Variants in CLIC4 observed in about 807,000 individuals in gnomAD.
CLIC4 encodes chloride intracellular channel protein 4.
CLIC4 carries 13 observed loss-of-function variants against 24.6 expected under a neutral mutation model. The ratio of observed to expected loss-of-function variants is 0.53; its 90% CI spans 0.34 to 0.84. The LOEUF (loss-of-function observed/expected upper bound fraction) is 0.84. CLIC4 is among the 40% of genes least tolerant of loss of function. The probability of loss-of-function intolerance (pLI) is 0.01; values close to 1 mark genes in which losing one functional copy is unlikely to be tolerated. For synonymous variants in CLIC4, 104 were observed against 111.3 expected (o/e 0.93, Z 0.41); for missense variants, 227 against 301.7 (o/e 0.75, Z 1.83).
At chr1:24,751,041 A>G (rs992923092) in intron 1 of CLIC4, among the ~76,000 whole-genome samples, 4 of 152,072 alleles carry the variant, frequency 2.6e-5, no homozygotes, top group Admixed American at 2.6e-4. Flanking sequence ...TTTGTTGTCA[A>G]TGTATGTCTC....
intron 3 of CLIC4, among the ~76,000 whole-genome samples, chr1:24,825,913 C>G (rs1236606775): frequency 6.6e-6 from 1 of 152,256 alleles, no homozygotes; most frequent in Middle Eastern, 3.4e-3. Flanking sequence ...TCTTATTGCT[C>G]CCAAGTCCAT....
rs550191815 is a variant in CLIC4, at chr1:24,807,565, A to T, written c.183-6529A>T. Among the ~76,000 whole-genome samples, 460 of 152,246 alleles carry T rather than the reference A, an allele frequency of 3.0e-3. 1 individual carries two copies. The highest frequency in any genetic ancestry group is 0.01 in the African/African-American group (430 of 41,532). ...CTGATTGGCTAATTTAAAGAGAGTC[A>T]CCGGGTGAGTGGTTTGGCCAGAAAA... On this transcript the variant is annotated intron_variant, in intron 2 of 5. Transcript: ENST00000374379.
chr1:24,790,520 C>T (rs1306932312), intron 1 of CLIC4, among the ~76,000 whole-genome samples: 1 of 152,234 alleles, frequency 6.6e-6, no homozygotes, highest in African/African-American at 2.4e-5. Context: ...TTGCCTTATA[C>T]ATCTCAGACT....
chr1:24,799,260 C>T (rs530328887), intron 2 of CLIC4, among the ~76,000 whole-genome samples: 1 of 151,176 alleles, frequency 6.6e-6, no homozygotes. Context: ...TCTGCCCGGC[C>T]GCCCATCGTC....
At chr1:24,806,197 C>T (rs1464000757) in intron 2 of CLIC4, among the ~76,000 whole-genome samples, 1 of 152,208 alleles carries the variant, frequency 6.6e-6, no homozygotes, top group Non-Finnish European at 1.5e-5. Flanking sequence ...TTATCTCAAA[C>T]TGCAATTCTT....
intron 3 of CLIC4, among the ~76,000 whole-genome samples, chr1:24,817,191 T>C (rs1639680207): frequency 6.6e-6 from 1 of 152,144 alleles, no homozygotes. Context: ...TCTAGATAGA[T>C]CATTGTTGAA....
At chr1:24,817,245 A>G (rs1007324342) in intron 3 of CLIC4, among the ~76,000 whole-genome samples, 9 of 151,806 alleles carry the variant, frequency 5.9e-5, no homozygotes, top group Non-Finnish European at 1.5e-5. Context: ...GAAGGTGATG[A>G]AGGAAGATCT....
At chr1:24,817,091 T>G (rs1315695878) in intron 3 of CLIC4, among the ~76,000 whole-genome samples, 2 of 152,226 alleles carry the variant, frequency 1.3e-5, no homozygotes, top group African/African-American at 4.8e-5. Context: ...ATGAAAATCA[T>G]AGATGACATC....
chr1:24,770,190 T>C (rs2124100565), intron 1 of CLIC4, among the ~76,000 whole-genome samples: 1 of 152,198 alleles, frequency 6.6e-6, no homozygotes, highest in Non-Finnish European at 1.5e-5. Flanking sequence ...AATTGAGAAA[T>C]GTCTAAATGG....
chr1:24,791,692 A>G (rs976538103), intron 1 of CLIC4, among the ~76,000 whole-genome samples: 1 of 152,166 alleles, frequency 6.6e-6, no homozygotes, highest in South Asian at 2.1e-4. Flanking sequence ...CCTGACCGAC[A>G]TGGTGAAACA....
rs1019990145 is a variant in CLIC4, at chr1:24,774,255, C to T, written c.73-23487C>T. On this transcript the variant is annotated intron_variant, in intron 1 of 5. Coordinates refer to ENST00000374379, the MANE Select transcript of CLIC4 (RefSeq NM_013943.3). ...CCTCCCAAAGTGTTGGGATTACAGGCGTGAGCCACCACGCCCAGCTAAGTA... is the reference window on the plus strand; with the variant it reads ...CCTCCCAAAGTGTTGGGATTACAGGTGTGAGCCACCACGCCCAGCTAAGTA... Among the ~76,000 whole-genome samples, 18 of 152,020 alleles carry T rather than the reference C, an allele frequency of 1.2e-4. 1 individual carries two copies. Among genetic ancestry groups the T allele is most frequent in the Admixed American group, 1.1e-3 (17 of 15,270 alleles).
chr1:24,829,813 T>C (rs1639822746), intron 4 of CLIC4, among the ~76,000 whole-genome samples: 1 of 152,208 alleles, frequency 6.6e-6, no homozygotes, highest in African/African-American at 2.4e-5. Flanking sequence ...CCTTTCTCTC[T>C]GGAAAAGTGT....
At chr1:24,756,807 G>A (rs1290390155) in intron 1 of CLIC4, among the ~76,000 whole-genome samples, 3 of 151,912 alleles carry the variant, frequency 2.0e-5, no homozygotes, top group African/African-American at 7.3e-5. Flanking sequence ...TGCAACCTCC[G>A]CCTCCCGGGT....
At chr1:24,770,912 T>C (rs1178096093) in intron 1 of CLIC4, among the ~76,000 whole-genome samples, 1 of 152,220 alleles carries the variant, frequency 6.6e-6, no homozygotes, top group Non-Finnish European at 1.5e-5. Context: ...TAGGATTTCT[T>C]CTGATTGGCT....
chr1:24,814,237 T>G lies in CLIC4; in HGVS notation c.308+18T>G. The G allele has an allele frequency of 1.2e-6, 2 of 1,602,192 alleles. No individual in the cohort carries two copies. Among genetic ancestry groups the G allele is most frequent in the Non-Finnish European group, 1.7e-6 (2 of 1,175,846 alleles). ...CCTCCCAAGTGAGTATCAAGGAAAA[T>G]ACGTATGAAAATATTGTCACTTCTT... On this transcript the variant is annotated intron_variant, in intron 3 of 5. Coordinates refer to ENST00000374379, the MANE Select transcript of CLIC4 (RefSeq NM_013943.3).
Position 24,843,647 on chromosome 1 carries a change from A to G in CLIC4, c.*2710A>G, listed in dbSNP as rs41302009. 7 of 152,372 alleles carry G rather than the reference A, an allele frequency of 4.6e-5. No individual in the cohort carries two copies. The highest frequency in any genetic ancestry group is 8.8e-5 in the Non-Finnish European group (6 of 68,002). 9.4% of individuals were successfully genotyped at this position (152,372 alleles called of 1,614,324 possible). ...TGTAAACTTTTGTGATAAAATTCAA[A>G]TAAGATTTTATTTCTTGGTAATTTT... is the stretch of plus-strand genomic sequence containing the variant. On this transcript the variant is annotated 3_prime_UTR_variant, in exon 6 of 6. Transcript: ENST00000374379.
intron 2 of CLIC4, among the ~76,000 whole-genome samples, chr1:24,811,269 A>G (rs891548279): frequency 3.9e-5 from 6 of 152,162 alleles, no homozygotes; most frequent in East Asian, 3.8e-4. Context: ...TTCTGCATTC[A>G]TTACCTTGTG....
intron 1 of CLIC4, among the ~76,000 whole-genome samples, chr1:24,758,211 C>T (rs781456691): frequency 6.6e-6 from 1 of 151,908 alleles, no homozygotes; most frequent in African/African-American, 2.4e-5. Flanking sequence ...TATGTATTTA[C>T]TCTAGACAAC....
intron 1 of CLIC4, among the ~76,000 whole-genome samples, chr1:24,767,067 CA>C (rs57550151): frequency 0.036 from 4,826 of 135,542 alleles, 89 homozygotes; most frequent in East Asian, 0.051. Flanking sequence ...AAAGAAAAAC[CA>C]AAAAAACCTT....
Sources: gnomAD v4.1 joint callset for allele counts (sites outside exome capture counted in the v4.1 genomes callset) on GRCh38, gnomAD v4.1.1 for gene constraint, MANE v1.5 for transcripts, NCBI Gene and HGNC (gene_info 2026-07-23, HGNC 2026-07-21) for gene names.